The following WBP1L variants were observed in gnomAD, a reference collection of about 807,000 sequenced individuals.
WBP1L encodes the protein WW domain binding protein 1 like.
A neutral mutation model predicts 33.7 loss-of-function variants in WBP1L; 17 were observed. The observed-to-expected ratio is 0.50, with a 90% CI of 0.34 to 0.76. The LOEUF (loss-of-function observed/expected upper bound fraction) is 0.76. WBP1L is among the 30% of genes least tolerant of loss of function. The pLI is 0.01. For missense variants in WBP1L, 389 were observed against 469.4 expected, an observed-to-expected ratio of 0.83 and a Z score of 1.58; for synonymous variants, 173 against 190.8, an observed-to-expected ratio of 0.91 and a Z score of 0.77.
intron 1 of WBP1L, among the ~76,000 whole-genome samples, chr10:102,785,805 T>C (rs564997797): frequency 6.6e-6 from 1 of 152,362 alleles, no homozygotes; most frequent in Admixed American, 6.5e-5. Context: ...GGACTTACTC[T>C]GTAGCAGAAG....
chr10:102,773,054 C>T (rs994874450), intron 1 of WBP1L, among the ~76,000 whole-genome samples: 2 of 151,758 alleles, frequency 1.3e-5, no homozygotes, highest in Admixed American at 1.3e-4. Flanking sequence ...GGCTGGATCA[C>T]GTACATAGGA....
chr10:102,757,569 C>CTTTTTTTTTTT (rs60213859), intron 1 of WBP1L, among the ~76,000 whole-genome samples: 59 of 88,788 alleles, frequency 6.6e-4, no homozygotes, highest in East Asian at 1.3e-3. Flanking sequence ...GTTTCTGAGC[C>CTTTTTTTTTTT]TTTTTTTTTT....
chr10:102,759,393 A>T (rs150994259), intron 1 of WBP1L, among the ~76,000 whole-genome samples: 1 of 152,210 alleles, frequency 6.6e-6, no homozygotes, highest in Non-Finnish European at 1.5e-5. Context: ...TAATGTTTAT[A>T]ATAATGATTG....
intron 1 of WBP1L, among the ~76,000 whole-genome samples, chr10:102,791,598 A>G (rs944030275): frequency 6.6e-6 from 1 of 152,216 alleles, no homozygotes; most frequent in African/African-American, 2.4e-5. Context: ...CAGGAGTTCA[A>G]GACCAGCCTG....
intron 2 of WBP1L, among the ~76,000 whole-genome samples, chr10:102,808,333 T>C (rs918090061): frequency 6.6e-6 from 1 of 152,220 alleles, no homozygotes; most frequent in Non-Finnish European, 1.5e-5. Context: ...TGTGTATGTG[T>C]GTTATGTGAA....
In WBP1L at chr10:102,815,872, ACCTGCG is replaced by A. The variant is rs1843933855; in HGVS notation, c.*2542_*2547del. On this transcript the variant is annotated 3_prime_UTR_variant, in exon 4 of 4. Coordinates refer to ENST00000448841, the MANE Select transcript of WBP1L (RefSeq NM_001083913.2). ...AAAGGCACGAGAAGACGGAAATGCA[ACCTGCG>A]GAGCTGGGCTTGGTTCCCAGGTCAC... is the stretch of plus-strand genomic sequence containing the variant. 6.6e-6 allele frequency: 1 copy of A among 152,456 alleles called. No individual in the cohort carries two copies. Among genetic ancestry groups the A allele is most frequent in the Non-Finnish European group, 1.5e-5 (1 of 68,064 alleles). The allele number at this position is 152,456 out of a possible 1,614,324, so 9.4% of individuals were successfully genotyped here.
chr10:102,795,554 C>G (rs1332465833), intron 1 of WBP1L, among the ~76,000 whole-genome samples: 1 of 152,186 alleles, frequency 6.6e-6, no homozygotes, highest in African/African-American at 2.4e-5. Flanking sequence ...CATGAGGATG[C>G]CACTTGTTTA....
In WBP1L at chr10:102,816,035, G is replaced by C. The variant is rs557690811; in HGVS notation, c.*2704G>C. 8 of 152,732 alleles carry C rather than the reference G, an allele frequency of 5.2e-5. No individual in the cohort carries two copies. The highest frequency in any genetic ancestry group is 1.9e-4 in the African/African-American group (8 of 41,562). 9.5% of individuals were successfully genotyped at this position (152,732 alleles called of 1,614,324 possible). ...CGTGAATGAGACGGGGTCGGTGGAGGGTTTGGTGCTACAGCCAGTCAGAAG... is the reference window on the plus strand; with the variant it reads ...CGTGAATGAGACGGGGTCGGTGGAGCGTTTGGTGCTACAGCCAGTCAGAAG... On this transcript the variant is annotated 3_prime_UTR_variant, in exon 4 of 4. Transcript: ENST00000448841.
In WBP1L at chr10:102,807,157, T is replaced by A. The variant is rs553251962; in HGVS notation, c.194-2736T>A. 3.9e-5 allele frequency among the ~76,000 whole-genome samples: 6 copies of A among 152,332 alleles called. No homozygotes were observed. In the East Asian group the frequency reaches 1.2e-3, roughly 29 times the overall value. On this transcript the variant is annotated intron_variant, in intron 2 of 3. Coordinates refer to ENST00000448841, the MANE Select transcript of WBP1L (RefSeq NM_001083913.2). ...GAAAACAATGGAAGTTTTTCAAGAA[T>A]AGAGAACAAACAATATTATCTATTC... is the stretch of plus-strand genomic sequence containing the variant.
At chr10:102,771,145 A>C (rs563783277) in intron 1 of WBP1L, among the ~76,000 whole-genome samples, 5 of 152,346 alleles carry the variant, frequency 3.3e-5, no homozygotes, top group African/African-American at 1.2e-4. Context: ...CCAGAATTTA[A>C]AGATTATAAA....
chr10:102,792,696 G>A (rs937373251), intron 1 of WBP1L, among the ~76,000 whole-genome samples: 5 of 150,284 alleles, frequency 3.3e-5, no homozygotes, highest in Non-Finnish European at 5.9e-5. Flanking sequence ...CCGGGTTCAA[G>A]CGATTCTTCT....
chr10:102,772,751 G>T (rs912054806), intron 1 of WBP1L, among the ~76,000 whole-genome samples: 1 of 150,098 alleles, frequency 6.7e-6, no homozygotes, highest in Non-Finnish European at 1.5e-5. Flanking sequence ...TGTATTTTCT[G>T]TAGAGATGGG....
At chr10:102,764,241 C>G (rs976842870) in intron 1 of WBP1L, among the ~76,000 whole-genome samples, 1 of 152,184 alleles carries the variant, frequency 6.6e-6, no homozygotes, top group Non-Finnish European at 1.5e-5. Context: ...GAGCACAGTC[C>G]AAGGCCTTGG....
chr10:102,748,257 C>CA (rs560569023), intron 1 of WBP1L, among the ~76,000 whole-genome samples: 3,920 of 132,182 alleles, frequency 0.03, 87 homozygotes, highest in African/African-American at 0.07. Context: ...GACTCCGTCT[C>CA]AAAAAAAAAA....
chr10:102,771,229 G>A (rs1832991690), intron 1 of WBP1L, among the ~76,000 whole-genome samples: 1 of 152,186 alleles, frequency 6.6e-6, no homozygotes, highest in South Asian at 2.1e-4. Flanking sequence ...ATGAATTCAG[G>A]TAGCTGTGAG....
chr10:102,816,102 C>G lies in WBP1L; in HGVS notation c.*2771C>G, dbSNP rs1843940114. The G allele has an allele frequency of 6.6e-6, 1 of 152,588 alleles. No homozygotes were observed. The highest frequency in any genetic ancestry group is 2.1e-4 in the South Asian group (1 of 4,830). 9.5% of individuals were successfully genotyped at this position (152,588 alleles called of 1,614,324 possible). A position where few individuals can be genotyped will look rare whatever the true frequency, so the allele number is the denominator to read the frequency against. On this transcript the variant is annotated 3_prime_UTR_variant, in exon 4 of 4. Transcript: ENST00000448841. Reference sequence around the variant, plus strand: ...ACATTCCTGTGTGAGGCACGTTACCCTTTGTCAGTTATTGTGAATATGTGT... The same window carrying G: ...ACATTCCTGTGTGAGGCACGTTACCGTTTGTCAGTTATTGTGAATATGTGT...
At chr10:102,810,155 G>A (rs1843809187) in intron 3 of WBP1L, 101 bp downstream of exon 3, 3 of 1,464,306 alleles carry the variant, frequency 2.0e-6, no homozygotes, top group South Asian at 2.6e-5. Context: ...AGGCATAGGG[G>A]GTTTGTCCTC....
chr10:102,808,982 C>A (rs1171329283), intron 2 of WBP1L, among the ~76,000 whole-genome samples: 2 of 152,198 alleles, frequency 1.3e-5, no homozygotes, highest in Non-Finnish European at 2.9e-5. Flanking sequence ...ACGGGGGGAC[C>A]CATCAGTGGT....
At chr10:102,789,592 A>T (rs1564764245) in intron 1 of WBP1L, among the ~76,000 whole-genome samples, 1 of 151,994 alleles carries the variant, frequency 6.6e-6, no homozygotes, top group African/African-American at 2.4e-5. Flanking sequence ...TATTATCCTC[A>T]TGGAGCTTAT....
Sources: allele counts gnomAD v4.1 joint callset (sites outside exome capture counted in the v4.1 genomes callset), GRCh38; gene constraint gnomAD v4.1.1; transcripts MANE v1.5; gene names NCBI Gene and HGNC (gene_info 2026-07-23, HGNC 2026-07-21).